FARP1: variants seen among roughly 807,000 people sequenced by gnomAD.
The protein encoded by FARP1 is FERM, ARH/RhoGEF and pleckstrin domain protein 1.
Under a neutral mutation model 128.8 loss-of-function variants are expected in FARP1, and 52 were observed. The observed-to-expected ratio is 0.40, with a 90% CI of 0.32 to 0.51. The LOEUF (loss-of-function observed/expected upper bound fraction) is 0.51, where lower values mean the gene tolerates loss of function less well. Ranked by LOEUF, FARP1 falls within the 20% of genes least tolerant of loss-of-function variation. The pLI is 0.45. For synonymous variants in FARP1, 580 were observed against 551.8 expected (o/e 1.05, Z -0.72); for missense variants, 1,333 against 1,367.9 (o/e 0.97, Z 0.40).
rs1320030055 is a variant in FARP1, at chr13:98,403,850, G to A, written c.1415-5488G>A. 2.0e-5 allele frequency: 3 copies of A among 152,156 alleles called. No individual in the cohort carries two copies. The East Asian group carries it at 5.8e-4, about 29-fold the overall frequency. The allele number at this position is 152,156 out of a possible 1,614,324, so 9.4% of individuals were successfully genotyped here. Reference sequence around the variant, plus strand: ...TATCTCTTGTTGATCTAAACTGAAGGGGCTTTTACTTGTCCTAACAGGTAT... The same window carrying A: ...TATCTCTTGTTGATCTAAACTGAAGAGGCTTTTACTTGTCCTAACAGGTAT... On this transcript the variant is annotated intron_variant, in intron 13 of 26. Coordinates refer to ENST00000319562, the MANE Select transcript of FARP1 (RefSeq NM_005766.4).
At chr13:98,335,016 C>T (rs778447608) in intron 2 of FARP1, among the ~76,000 whole-genome samples, 1 of 152,240 alleles carries the variant, frequency 6.6e-6, no homozygotes, top group Non-Finnish European at 1.5e-5. Flanking sequence ...AACTCCTACT[C>T]ATCCTTCAGG....
chr13:98,321,551 A>G (rs186388834), intron 2 of FARP1, among the ~76,000 whole-genome samples: 1 of 152,362 alleles, frequency 6.6e-6, no homozygotes, highest in Non-Finnish European at 1.5e-5. Context: ...TAGCAATACC[A>G]GAAGACATTC....
At chr13:98,405,744 T>TC (rs1044362370) in intron 13 of FARP1, 1 of 152,148 alleles carries the variant, frequency 6.6e-6, no homozygotes, top group Non-Finnish European at 1.5e-5. Context: ...CCTCTTAGGG[T>TC]CCCCCCAAAT....
At chr13:98,369,200 T>C (rs1050284603) in intron 5 of FARP1, among the ~76,000 whole-genome samples, 1 of 152,122 alleles carries the variant, frequency 6.6e-6, no homozygotes, top group Non-Finnish European at 1.5e-5. Flanking sequence ...GCTGGGATTA[T>C]GTGCGTGAGC....
chr13:98,184,070 G>A (rs1393350230), intron 1 of FARP1, among the ~76,000 whole-genome samples: 1 of 152,108 alleles, frequency 6.6e-6, no homozygotes, highest in East Asian at 1.9e-4. Flanking sequence ...TAAAATACTT[G>A]AGAAGGGAGA....
intron 24 of FARP1, among the ~76,000 whole-genome samples, chr13:98,441,588 C>T (rs768342122): frequency 6.6e-6 from 1 of 152,210 alleles, no homozygotes; most frequent in Non-Finnish European, 1.5e-5. Flanking sequence ...GGGACCCTTT[C>T]TACAGTGGGG....
intron 2 of FARP1, among the ~76,000 whole-genome samples, chr13:98,308,836 A>AT (rs931643399): frequency 1.3e-5 from 2 of 151,206 alleles, no homozygotes; most frequent in African/African-American, 4.9e-5. Flanking sequence ...TGCCTGGCTG[A>AT]TTTTTTGTAT....
At chr13:98,311,971 G>A (rs1886480785) in intron 2 of FARP1, among the ~76,000 whole-genome samples, 1 of 151,096 alleles carries the variant, frequency 6.6e-6, no homozygotes, top group Admixed American at 6.6e-5. Context: ...AGCCTCTGGA[G>A]TAGCTGGGAT....
chr13:98,373,372 GA>G (rs1889432504), intron 5 of FARP1, among the ~76,000 whole-genome samples: 3 of 152,094 alleles, frequency 2.0e-5, no homozygotes, highest in African/African-American at 7.2e-5. Context: ...CCTATTTAAT[GA>G]AAAACCGATT....
intron 2 of FARP1, among the ~76,000 whole-genome samples, chr13:98,214,814 C>G (rs1880962724): frequency 6.6e-6 from 1 of 152,166 alleles, no homozygotes; most frequent in Admixed American, 6.5e-5. Context: ...AAATCATAGA[C>G]TGTTGAGGAG....
intron 1 of FARP1, among the ~76,000 whole-genome samples, chr13:98,210,930 C>T (rs192783659): frequency 6.6e-6 from 1 of 152,294 alleles, no homozygotes; most frequent in Admixed American, 6.5e-5. Context: ...GATTTTATAG[C>T]ATCACCTTTT....
At chr13:98,260,074 G>C (rs1253321944) in intron 2 of FARP1, among the ~76,000 whole-genome samples, 2 of 152,094 alleles carry the variant, frequency 1.3e-5, no homozygotes, top group African/African-American at 4.8e-5. Context: ...CATCTGCTAG[G>C]TGGGCGGCCC....
At chr13:98,169,971 T>A (rs1203615919) in intron 1 of FARP1, among the ~76,000 whole-genome samples, 1 of 152,178 alleles carries the variant, frequency 6.6e-6, no homozygotes, top group Non-Finnish European at 1.5e-5. Flanking sequence ...ATTTTCCATG[T>A]AGTTATGTTT....
At chr13:98,198,905 C>CTTCCCTG (rs1879751078) in intron 1 of FARP1, among the ~76,000 whole-genome samples, 1 of 1,930 alleles carries the variant, frequency 5.2e-4, no homozygotes, top group Non-Finnish European at 1.1e-3. Context: ...CTCCGCTCCC[C>CTTCCCTG]CTCCCCCTTT....
intron 2 of FARP1, among the ~76,000 whole-genome samples, chr13:98,337,707 G>T (rs1416745287): frequency 1.3e-5 from 2 of 152,030 alleles, no homozygotes; most frequent in Non-Finnish European, 2.9e-5. Context: ...ATTCAAACTT[G>T]ACTTGTTTAC....
chr13:98,247,965 C>A (rs1278993971), intron 2 of FARP1, among the ~76,000 whole-genome samples: 1 of 152,132 alleles, frequency 6.6e-6, no homozygotes, highest in Non-Finnish European at 1.5e-5. Context: ...TCAGAAGAGT[C>A]GCAGATTCCT....
At chr13:98,340,823 C>A (rs1293114603) in intron 2 of FARP1, 1 of 152,202 alleles carries the variant, frequency 6.6e-6, no homozygotes, top group Non-Finnish European at 1.5e-5. Flanking sequence ...CTGGGAAATG[C>A]TTGTCTGACC....
At chr13:98,166,808 G>A (rs977540047) in intron 1 of FARP1, among the ~76,000 whole-genome samples, 2 of 148,844 alleles carry the variant, frequency 1.3e-5, no homozygotes, top group African/African-American at 5.0e-5. Flanking sequence ...CTGCAGACTT[G>A]ACCTCCCTGG....
At chr13:98,256,987 A>G (rs8002780) in intron 2 of FARP1, among the ~76,000 whole-genome samples, 6,587 of 129,904 alleles carry the variant, frequency 0.051, 354 homozygotes, top group African/African-American at 0.11. Context: ...ATATATATAT[A>G]TATACCGAAA....
Sources: gnomAD v4.1 joint callset for allele counts (sites outside exome capture counted in the v4.1 genomes callset) on GRCh38, gnomAD v4.1.1 for gene constraint, MANE v1.5 for transcripts, NCBI Gene and HGNC (gene_info 2026-07-23, HGNC 2026-07-21) for gene names.